CTNNA3: variants seen among roughly 807,000 people sequenced by gnomAD.
The protein encoded by CTNNA3 is catenin alpha-3.
A neutral mutation model predicts 95.7 loss-of-function variants in CTNNA3; 76 were observed. That is an observed-to-expected ratio of 0.79 (90% CI 0.66 to 0.96). The LOEUF (loss-of-function observed/expected upper bound fraction) is 0.96. Among genes scored for constraint, CTNNA3 ranks in the 40% least tolerant of loss-of-function variants. The pLI is 0.00. For missense variants in CTNNA3, 1,191 were observed against 1,089.8 expected (o/e 1.09, Z -1.31); for synonymous variants, 431 against 374.4 (o/e 1.15, Z -1.74).
chr10:67,010,613 G>A lies in CTNNA3; in HGVS notation c.1047+169704C>T, dbSNP rs187113236. ...AGAAAACAGAAGCATCTTTACCACC[G>A]CCACCACCACTATCACTTCCAGCAA... is the stretch of plus-strand genomic sequence containing the variant. On this transcript the variant is annotated intron_variant, in intron 7 of 17. Coordinates refer to ENST00000433211, the MANE Select transcript of CTNNA3 (RefSeq NM_013266.4). Among the ~76,000 whole-genome samples, 604 of 152,226 alleles carry A rather than the reference G, an allele frequency of 4.0e-3. 2 individuals are homozygous for A. The highest frequency in any genetic ancestry group is 0.013 in the African/African-American group (558 of 41,534).
intron 7 of CTNNA3, among the ~76,000 whole-genome samples, chr10:67,152,791 C>CA (rs1861141232): frequency 1.2e-5 from 1 of 86,938 alleles, no homozygotes; most frequent in Admixed American, 1.0e-4. Context: ...TTCAGTAAAC[C>CA]TTTATATAGC....
At chr10:67,163,651 G>C (rs1861643148) in intron 7 of CTNNA3, among the ~76,000 whole-genome samples, 1 of 151,834 alleles carries the variant, frequency 6.6e-6, no homozygotes, top group African/African-American at 2.4e-5. Context: ...TTAAGTAAAA[G>C]ACATACAGAT....
intron 2 of CTNNA3, among the ~76,000 whole-genome samples, chr10:67,633,503 A>C (rs919975062): frequency 1.3e-5 from 2 of 152,066 alleles, no homozygotes; most frequent in Non-Finnish European, 2.9e-5. Flanking sequence ...CAGTACCCCC[A>C]CTGGGACAGA....
At chr10:66,327,365 G>A (rs78925980) in intron 12 of CTNNA3, among the ~76,000 whole-genome samples, 7,100 of 151,972 alleles carry the variant, frequency 0.047, 262 homozygotes, top group Non-Finnish European at 0.062. Context: ...AAATTTGATA[G>A]GAAAATTTAC....
chr10:66,172,330 A>T (rs1198178550), intron 13 of CTNNA3, among the ~76,000 whole-genome samples: 1 of 152,192 alleles, frequency 6.6e-6, no homozygotes, highest in Non-Finnish European at 1.5e-5. Flanking sequence ...TTCCTGCAGT[A>T]AATGTATAAT....
chr10:66,944,940 A>G (rs903835566), intron 7 of CTNNA3, among the ~76,000 whole-genome samples: 1 of 152,162 alleles, frequency 6.6e-6, no homozygotes, highest in Admixed American at 6.5e-5. Context: ...CCAGTAAACC[A>G]TGCTATAAAC....
At chr10:66,167,875 G>A (rs2085216644) in intron 13 of CTNNA3, among the ~76,000 whole-genome samples, 1 of 152,214 alleles carries the variant, frequency 6.6e-6, no homozygotes, top group Non-Finnish European at 1.5e-5. Flanking sequence ...GAGGCATCAA[G>A]TGTGTCCAGA....
At chr10:67,077,687 T>C (rs1468455883) in intron 7 of CTNNA3, among the ~76,000 whole-genome samples, 1 of 152,184 alleles carries the variant, frequency 6.6e-6, no homozygotes, top group African/African-American at 2.4e-5. Flanking sequence ...TAATCTTATA[T>C]TTGTATAACT....
chr10:66,648,169 T>C (rs1564593017), intron 9 of CTNNA3, among the ~76,000 whole-genome samples: 1 of 152,126 alleles, frequency 6.6e-6, no homozygotes, highest in Non-Finnish European at 1.5e-5. Context: ...CCCTGACAGC[T>C]CATTAGCATC....
intron 12 of CTNNA3, among the ~76,000 whole-genome samples, chr10:66,327,562 GC>G (rs1414791994): frequency 1.3e-5 from 2 of 151,830 alleles, no homozygotes; most frequent in Non-Finnish European, 2.9e-5. Flanking sequence ...ATATTTCTTT[GC>G]CATTGTCGTT....
At chr10:67,353,825 CAA>C (rs1014299936) in intron 5 of CTNNA3, among the ~76,000 whole-genome samples, 38 of 151,834 alleles carry the variant, frequency 2.5e-4, no homozygotes, top group African/African-American at 9.2e-4. Context: ...AGGAATTTAC[CAA>C]GAGTCATCAC....
intron 13 of CTNNA3, among the ~76,000 whole-genome samples, chr10:66,267,463 T>C (rs1189794112): frequency 6.6e-6 from 1 of 152,184 alleles, no homozygotes; most frequent in African/African-American, 2.4e-5. Flanking sequence ...TTTTAAAACA[T>C]GATTCCATGT....
At chr10:66,378,045 T>C (rs1589161001) in intron 12 of CTNNA3, among the ~76,000 whole-genome samples, 1 of 152,266 alleles carries the variant, frequency 6.6e-6, no homozygotes, top group African/African-American at 2.4e-5. Context: ...GTTTATCAAC[T>C]TGCTAGAAAA....
intron 13 of CTNNA3, among the ~76,000 whole-genome samples, chr10:66,200,177 A>G (rs2087303207): frequency 6.7e-6 from 1 of 149,462 alleles, no homozygotes; most frequent in African/African-American, 2.5e-5. Context: ...GTTGTTTCCA[A>G]GAAATCGCCT....
intron 15 of CTNNA3, among the ~76,000 whole-genome samples, chr10:66,026,701 A>C (rs2079346518): frequency 6.6e-6 from 1 of 152,150 alleles, no homozygotes. Flanking sequence ...CATCTGGGTC[A>C]TTTATTAACA....
intron 9 of CTNNA3, among the ~76,000 whole-genome samples, chr10:66,651,593 T>A (rs1845901625): frequency 6.6e-6 from 1 of 151,544 alleles, no homozygotes; most frequent in African/African-American, 2.4e-5. Flanking sequence ...AGGCTAAGGG[T>A]CCCAAGCCCT....
intron 5 of CTNNA3, among the ~76,000 whole-genome samples, chr10:67,480,591 C>A (rs1848180082): frequency 6.6e-6 from 1 of 152,216 alleles, no homozygotes; most frequent in African/African-American, 2.4e-5. Context: ...CAATCTGTGC[C>A]TTAAGAACAT....
chr10:66,332,065 A>G (rs2092337115), intron 12 of CTNNA3, among the ~76,000 whole-genome samples: 1 of 152,046 alleles, frequency 6.6e-6, no homozygotes, highest in Non-Finnish European at 1.5e-5. Flanking sequence ...TTGGTGTATA[A>G]GAATGCTTGT....
chr10:66,881,064 A>C (rs1223830196), intron 7 of CTNNA3, among the ~76,000 whole-genome samples: 1 of 152,124 alleles, frequency 6.6e-6, no homozygotes, highest in African/African-American at 2.4e-5. Context: ...AGACACTATC[A>C]GGCAGCATCC....
Sources: allele counts gnomAD v4.1 joint callset (sites outside exome capture counted in the v4.1 genomes callset), GRCh38; gene constraint gnomAD v4.1.1; transcripts MANE v1.5; gene names NCBI Gene and HGNC (gene_info 2026-07-23, HGNC 2026-07-21).